Variants in FER1L6 observed in about 807,000 individuals in gnomAD.
FER1L6 encodes the protein fer-1-like protein 6.
In FER1L6, 177 loss-of-function variants were observed where a neutral mutation model predicts 219.2. The ratio of observed to expected loss-of-function variants is 0.81; its 90% CI spans 0.71 to 0.91. FER1L6 has a LOEUF of 0.91. FER1L6 is among the 40% of genes least tolerant of loss of function. The pLI, the probability that FER1L6 is intolerant of heterozygous loss-of-function variation, is 0.00. For synonymous variants in FER1L6, 768 were observed against 824.3 expected, an observed-to-expected ratio of 0.93 and a Z score of 1.17; for missense variants, 2,153 against 2,259.9, an observed-to-expected ratio of 0.95 and a Z score of 0.96.
At position 123,888,762 on chromosome 8, in the gene FER1L6, T is replaced by C. The variant is rs548172182; in HGVS notation, c.-8+36577T>C. ...CTGGTGAGTTTGTACTGCTATTTCA[T>C]GGCTAAAATTCCAAGGCAAAAGCTA... is the stretch of plus-strand genomic sequence containing the variant. On this transcript the variant is annotated intron_variant, in intron 1 of 40. Transcript: ENST00000522917. 7.2e-5 allele frequency among the ~76,000 whole-genome samples: 11 copies of C among 152,330 alleles called. No individual in the cohort carries two copies. In the South Asian group the frequency reaches 2.1e-3, roughly 29 times the overall value.
chr8:123,859,035 C>G (rs1816697786), intron 1 of FER1L6, among the ~76,000 whole-genome samples: 1 of 151,670 alleles, frequency 6.6e-6, no homozygotes, highest in African/African-American at 2.4e-5. Context: ...GAGTCTCATT[C>G]TGTCACACAG....
chr8:123,873,404 T>C (rs1450651754), intron 1 of FER1L6, among the ~76,000 whole-genome samples: 1 of 152,236 alleles, frequency 6.6e-6, no homozygotes, highest in Non-Finnish European at 1.5e-5. Context: ...CTTGCTGTAA[T>C]GAAAACCTGT....
intron 1 of FER1L6, among the ~76,000 whole-genome samples, chr8:123,919,499 G>A (rs946804546): frequency 1.3e-5 from 2 of 152,192 alleles, no homozygotes; most frequent in Non-Finnish European, 2.9e-5. Flanking sequence ...GCTTGCCCTG[G>A]GGGGCCTGCC....
intron 33 of FER1L6, among the ~76,000 whole-genome samples, chr8:124,083,738 T>C (rs1056264454): frequency 6.6e-6 from 1 of 151,994 alleles, no homozygotes; most frequent in Non-Finnish European, 1.5e-5. Flanking sequence ...ACTTAGAATA[T>C]AGCTTTGGCT....
Position 123,996,150 on chromosome 8 carries a change from A to G in FER1L6, c.1520-7017A>G, listed in dbSNP as rs192302079. ...CTATAGCCATTAGAAGAAATGTCCT[A>G]TAAATATCTATTATGTCCATTTGTT... On this transcript the variant is annotated intron_variant, in intron 12 of 40. Coordinates refer to ENST00000522917, the MANE Select transcript of FER1L6 (RefSeq NM_001039112.2). Among the ~76,000 whole-genome samples, 52 of 152,262 alleles carry G rather than the reference A, an allele frequency of 3.4e-4. 1 individual carries two copies. Among genetic ancestry groups the G allele is most frequent in the Admixed American group, 3.3e-3 (51 of 15,306 alleles).
In FER1L6 at chr8:123,976,028, G is replaced by A. The variant is rs190676453; in HGVS notation, c.814G>A (p.Gly272Ser). The change falls in exon 9 of 41, where the codon GGT (glycine) becomes AGT (serine). Residue 272 changes from glycine to serine, a missense_variant. By Grantham distance (56) the Gly-to-Ser change is moderately conservative. Coordinates refer to ENST00000522917, the MANE Select transcript of FER1L6 (RefSeq NM_001039112.2). Reference sequence around the variant, plus strand: ...GGCGAACGTCACCAAGGCATTTGTGGGTGACAGTAAGGACCTGGTGGATCC... The same window carrying A: ...GGCGAACGTCACCAAGGCATTTGTGAGTGACAGTAAGGACCTGGTGGATCC... ...IMANVTKAFVGDSKDLVDPFV... is the reference protein window; with the variant it reads ...IMANVTKAFVSDSKDLVDPFV... 240 of 1,614,058 alleles carry A rather than the reference G, an allele frequency of 1.5e-4. No individual in the cohort carries two copies. In the East Asian group the frequency reaches 5.2e-3, roughly 35 times the overall value.
intron 20 of FER1L6, among the ~76,000 whole-genome samples, chr8:124,041,336 C>T (rs1310072629): frequency 1.3e-5 from 2 of 152,218 alleles, no homozygotes; most frequent in Non-Finnish European, 2.9e-5. Flanking sequence ...ATGGCCATGA[C>T]ATTGGCTGAT....
chr8:124,052,796 C>CAAAG (rs1261442948), intron 22 of FER1L6, among the ~76,000 whole-genome samples: 2 of 151,966 alleles, frequency 1.3e-5, no homozygotes, highest in African/African-American at 4.8e-5. Context: ...AAAAAACAAA[C>CAAAG]AAAGAAACAA....
intron 13 of FER1L6, among the ~76,000 whole-genome samples, chr8:124,008,412 G>A (rs1817765730): frequency 6.6e-6 from 1 of 152,158 alleles, no homozygotes; most frequent in African/African-American, 2.4e-5. Flanking sequence ...ATAAACATGC[G>A]TGTGCATATC....
chr8:123,855,512 T>C (rs1436618922), intron 1 of FER1L6, among the ~76,000 whole-genome samples: 1 of 151,188 alleles, frequency 6.6e-6, no homozygotes, highest in Non-Finnish European at 1.5e-5. Flanking sequence ...TAGTATGGAA[T>C]GGGAAAAAGG....
chr8:123,967,740 G>A (rs1396400488), intron 5 of FER1L6, among the ~76,000 whole-genome samples: 1 of 152,092 alleles, frequency 6.6e-6, no homozygotes, highest in Non-Finnish European at 1.5e-5. Flanking sequence ...GGCAGATCAC[G>A]AGGTCAGGAG....
At chr8:124,118,310 C>A (rs189134298) in intron 39 of FER1L6, among the ~76,000 whole-genome samples, 1 of 152,248 alleles carries the variant, frequency 6.6e-6, no homozygotes, top group East Asian at 1.9e-4. Flanking sequence ...TAGGCCATCT[C>A]TTATTGAGGG....
At chr8:123,855,272 G>A (rs978819177) in intron 1 of FER1L6, among the ~76,000 whole-genome samples, 1 of 152,150 alleles carries the variant, frequency 6.6e-6, no homozygotes, top group African/African-American at 2.4e-5. Context: ...GAGCCTGACT[G>A]GAATGGATAG....
intron 1 of FER1L6, among the ~76,000 whole-genome samples, chr8:123,876,334 T>A (rs939852356): frequency 6.6e-6 from 1 of 152,272 alleles, no homozygotes; most frequent in African/African-American, 2.4e-5. Context: ...ACTTTTTTTT[T>A]TTTGAGATGA....
intron 8 of FER1L6, 38 bp from the exon 9 acceptor site, chr8:123,975,856 CAATT>C: frequency 6.8e-7 from 1 of 1,468,310 alleles, no homozygotes; most frequent in Non-Finnish European, 9.2e-7. Flanking sequence ...TCTGTTTCTT[CAATT>C]GAGAGAGCTT....
intron 1 of FER1L6, among the ~76,000 whole-genome samples, chr8:123,883,182 G>A (rs1361438339): frequency 6.6e-6 from 1 of 152,188 alleles, no homozygotes; most frequent in African/African-American, 2.4e-5. Context: ...GAGCCTTCTG[G>A]TCAGAAGGAT....
intron 39 of FER1L6, among the ~76,000 whole-genome samples, chr8:124,113,431 C>A (rs1404563022): frequency 1.3e-5 from 2 of 152,200 alleles, no homozygotes; most frequent in Non-Finnish European, 2.9e-5. Context: ...CAGCATGCAT[C>A]TCTCAGGAAT....
intron 26 of FER1L6, among the ~76,000 whole-genome samples, chr8:124,065,737 T>C (rs1480951712): frequency 6.6e-6 from 1 of 152,240 alleles, no homozygotes; most frequent in African/African-American, 2.4e-5. Context: ...GCCTGGGTCA[T>C]AGTACAACTT....
chr8:124,104,157 T>C (rs1452933635), intron 39 of FER1L6, among the ~76,000 whole-genome samples: 1 of 152,226 alleles, frequency 6.6e-6, no homozygotes, highest in Middle Eastern at 3.2e-3. Context: ...TTGTCTCTTC[T>C]ATCCATTCTT....
Sources: gnomAD v4.1 joint callset for allele counts (sites outside exome capture counted in the v4.1 genomes callset) on GRCh38, gnomAD v4.1.1 for gene constraint, MANE v1.5 for transcripts, NCBI Gene and HGNC (gene_info 2026-07-23, HGNC 2026-07-21) for gene names.